The following CPLX2 variants were observed in gnomAD, a reference collection of about 807,000 sequenced individuals.
CPLX2 encodes the protein complexin-2.
A neutral mutation model predicts 16.3 loss-of-function variants in CPLX2; 5 were observed. The observed-to-expected ratio is 0.31, with a 90% CI of 0.16 to 0.64. The LOEUF (loss-of-function observed/expected upper bound fraction) is 0.64, where lower values mean the gene tolerates loss of function less well. CPLX2 is among the 30% of genes least tolerant of loss of function. The pLI, the probability that CPLX2 is intolerant of heterozygous loss-of-function variation, is 0.79. For synonymous variants in CPLX2, 89 were observed against 73.2 expected (o/e 1.22, Z -1.10); for missense variants, 144 against 181.4 (o/e 0.79, Z 1.18).
At chr5:175,838,515 G>A (rs1017701028) in intron 2 of CPLX2, among the ~76,000 whole-genome samples, 1 of 151,814 alleles carries the variant, frequency 6.6e-6, no homozygotes, top group Non-Finnish European at 1.5e-5. Context: ...TGATCCAACC[G>A]CCTCGGCCTC....
intron 1 of CPLX2, among the ~76,000 whole-genome samples, chr5:175,807,011 T>C (rs935757697): frequency 1.3e-5 from 2 of 152,036 alleles, no homozygotes; most frequent in Non-Finnish European, 2.9e-5. Flanking sequence ...TGGCACACAG[T>C]AAATACACTG....
Position 175,809,722 on chromosome 5 carries a change from G to C in CPLX2, c.-89+654G>C, listed in dbSNP as rs1002360017. ...GGCCGGCCAAGCTCGGATCACACCC[G>C]GCATCCCTCATCCACATCGCCTCTT... On this transcript the variant is annotated intron_variant, in intron 2 of 4. Coordinates refer to the CPLX2 transcript ENST00000359546. The surrounding 1 kb of genome is among the most constrained non-coding windows in gnomAD (Gnocchi z 4.4). Among the ~76,000 whole-genome samples, 1 of 151,932 alleles carries C rather than the reference G, an allele frequency of 6.6e-6. No individual in the cohort carries two copies. Among genetic ancestry groups the C allele is most frequent in the African/African-American group, 2.4e-5 (1 of 41,350 alleles).
intron 2 of CPLX2, among the ~76,000 whole-genome samples, chr5:175,863,039 G>A (rs77534275): frequency 0.052 from 7,955 of 152,280 alleles, 718 homozygotes; most frequent in African/African-American, 0.18. Flanking sequence ...TAAAGAAGAA[G>A]GTAAGAGCAG....
At chr5:175,856,962 A>G (rs960681493) in intron 2 of CPLX2, among the ~76,000 whole-genome samples, 11 of 152,212 alleles carry the variant, frequency 7.2e-5, no homozygotes, top group African/African-American at 9.7e-5. Flanking sequence ...TCGCTAAGGA[A>G]ACTGAGCTGA....
chr5:175,867,446 C>A (rs1158432965), upstream of CPLX2, among the ~76,000 whole-genome samples: 1 of 152,138 alleles, frequency 6.6e-6, no homozygotes, highest in Non-Finnish European at 1.5e-5. Flanking sequence ...CACCAATATA[C>A]AGAAATGGTG....
intron 2 of CPLX2, among the ~76,000 whole-genome samples, chr5:175,846,197 C>T (rs1759041027): frequency 6.6e-6 from 1 of 152,214 alleles, no homozygotes; most frequent in South Asian, 2.1e-4. Context: ...AGCCATTCTG[C>T]ACCCCCTGAT....
At chr5:175,878,594 T>A (rs1160988864) in intron 1 of CPLX2, 58 bp from the exon 2 acceptor site, 1 of 881,412 alleles carries the variant, frequency 1.1e-6, no homozygotes, top group Non-Finnish European at 1.8e-6. Context: ...TCTGCCTAGC[T>A]CCCCCGCCCT....
intron 2 of CPLX2, among the ~76,000 whole-genome samples, chr5:175,819,864 T>C (rs1758474761): frequency 6.6e-6 from 1 of 152,208 alleles, no homozygotes; most frequent in South Asian, 2.1e-4. Context: ...GTTCTCAGCC[T>C]GAAGCAGGTA....
chr5:175,821,648 T>A (rs1452854425), intron 2 of CPLX2, among the ~76,000 whole-genome samples: 1 of 152,230 alleles, frequency 6.6e-6, no homozygotes, highest in East Asian at 1.9e-4. Flanking sequence ...CCTCCAGTGA[T>A]CTGCCCGCCT....
At chr5:175,867,891 C>T (rs1399095741), upstream of CPLX2, among the ~76,000 whole-genome samples, 2 of 152,220 alleles carry the variant, frequency 1.3e-5, no homozygotes, top group African/African-American at 2.4e-5. Context: ...GGGACCCTCA[C>T]AGTGATGGCA....
At chr5:175,804,277 C>T (rs953844782) in intron 1 of CPLX2, among the ~76,000 whole-genome samples, 1 of 152,144 alleles carries the variant, frequency 6.6e-6, no homozygotes, top group Non-Finnish European at 1.5e-5. Context: ...CACTAGGAGC[C>T]AGTATCAAGA....
At chr5:175,867,901 A>G (rs1366778418), upstream of CPLX2, among the ~76,000 whole-genome samples, 1 of 152,166 alleles carries the variant, frequency 6.6e-6, no homozygotes, top group Non-Finnish European at 1.5e-5. Flanking sequence ...CAGTGATGGC[A>G]CCCGGCCATT....
At chr5:175,852,131 G>A (rs1448674062) in intron 2 of CPLX2, among the ~76,000 whole-genome samples, 1 of 152,194 alleles carries the variant, frequency 6.6e-6, no homozygotes, top group Admixed American at 6.5e-5. Context: ...CTCAAACTCA[G>A]ATAATTTCCC....
intron 1 of CPLX2, among the ~76,000 whole-genome samples, chr5:175,801,063 G>C (rs943225139): frequency 6.6e-6 from 1 of 151,696 alleles, no homozygotes; most frequent in African/African-American, 2.4e-5. Context: ...AGGGGGCAGA[G>C]AGGAGATCAT....
At chr5:175,855,589 C>T (rs767121610) in intron 2 of CPLX2, among the ~76,000 whole-genome samples, 3 of 152,198 alleles carry the variant, frequency 2.0e-5, no homozygotes, top group Non-Finnish European at 4.4e-5. Flanking sequence ...TGTCTATCAG[C>T]ACCTCTTCTG....
At position 175,849,007 on chromosome 5, in the gene CPLX2, T is replaced by C. The variant is rs188529880; in HGVS notation, c.-88-29645T>C. 6.6e-6 allele frequency among the ~76,000 whole-genome samples: 1 copy of C among 152,284 alleles called. No homozygotes were observed. The highest frequency in any genetic ancestry group is 2.4e-5 in the African/African-American group (1 of 41,556). On this transcript the variant is annotated intron_variant, in intron 2 of 4. Transcript: ENST00000359546. The surrounding 1 kb of genome is among the most constrained non-coding windows in gnomAD (Gnocchi z 4.4). ...TTCAGAGGCCCAGAGAGTGACTGGA[T>C]TGCATTCTACCTGTGCTGGTTTCTT...
rs1759024102 is a variant in CPLX2 at position 175,845,437 on chromosome 5, C to A, written c.-88-33215C>A. Among the ~76,000 whole-genome samples, 1 of 152,344 alleles carries A rather than the reference C, an allele frequency of 6.6e-6. No homozygotes were observed. The highest frequency in any genetic ancestry group is 2.1e-4 in the South Asian group (1 of 4,824). On this transcript the variant is annotated intron_variant, in intron 2 of 4. Coordinates refer to the CPLX2 transcript ENST00000359546. This position sits in a 1 kb window ranked among gnomAD's most constrained non-coding sequence, Gnocchi z 4.0. ...CAAAGCACCACCAGGCTCTTTCCTG[C>A]CACAGGCCCTTTGCACCTGCTTTTG...
chr5:175,879,571 G>A (rs1755518164), intron 3 of CPLX2, among the ~76,000 whole-genome samples: 2 of 152,236 alleles, frequency 1.3e-5, no homozygotes, highest in African/African-American at 4.8e-5. Flanking sequence ...AAATATATGG[G>A]CAAACGCCAT....
intron 2 of CPLX2, among the ~76,000 whole-genome samples, chr5:175,844,770 G>A (rs757166991): frequency 7.9e-5 from 12 of 152,240 alleles, no homozygotes; most frequent in Non-Finnish European, 1.3e-4. Context: ...AAAGCAGGGC[G>A]TGGATTTAAA....
Sources: allele counts gnomAD v4.1 joint callset (sites outside exome capture counted in the v4.1 genomes callset), GRCh38; gene constraint gnomAD v4.1.1; non-coding constraint Gnocchi (gnomAD v3.1); transcripts MANE v1.5; gene names NCBI Gene and HGNC (gene_info 2026-07-23, HGNC 2026-07-21).